The following TMEM108 variants were observed in gnomAD, a reference collection of about 807,000 sequenced individuals.
TMEM108 encodes the protein cancer/testis antigen 124.
In TMEM108, 12 loss-of-function variants were observed where a neutral mutation model predicts 35.1. The observed-to-expected ratio is 0.34, with a 90% CI of 0.22 to 0.55. TMEM108 has a LOEUF of 0.55. TMEM108 is among the 20% of genes least tolerant of loss of function. The pLI is 0.89. For synonymous variants in TMEM108, 287 were observed against 308.6 expected, an observed-to-expected ratio of 0.93 and a Z score of 0.73; for missense variants, 680 against 753.3, an observed-to-expected ratio of 0.90 and a Z score of 1.14.
intron 3 of TMEM108, among the ~76,000 whole-genome samples, chr3:133,305,376 AG>A (rs2071016432): frequency 1.7e-5 from 1 of 58,794 alleles, no homozygotes; most frequent in Non-Finnish European, 3.1e-5. Flanking sequence ...GGGTGGGGGG[AG>A]GGGGGAGGGA....
chr3:133,291,493 G>C (rs567827889), intron 3 of TMEM108, among the ~76,000 whole-genome samples: 1 of 152,154 alleles, frequency 6.6e-6, no homozygotes, highest in African/African-American at 2.4e-5. Flanking sequence ...GTCCAGGCTG[G>C]TCTCAAACTC....
At chr3:133,296,658 T>C (rs962507301) in intron 3 of TMEM108, among the ~76,000 whole-genome samples, 1 of 152,094 alleles carries the variant, frequency 6.6e-6, no homozygotes, top group Admixed American at 6.6e-5. Flanking sequence ...GGAACATCCC[T>C]AATCCAAAGC....
At chr3:133,216,598 C>A in intron 2 of TMEM108, among the ~76,000 whole-genome samples, 1 of 152,126 alleles carries the variant, frequency 6.6e-6, no homozygotes. Flanking sequence ...CTCCCCAACT[C>A]CCTCTCCCCA....
At chr3:133,245,293 T>C (rs1576408014) in intron 3 of TMEM108, among the ~76,000 whole-genome samples, 1 of 152,302 alleles carries the variant, frequency 6.6e-6, no homozygotes, top group South Asian at 2.1e-4. Flanking sequence ...TGCTAGGATG[T>C]CCTCTCCTAC....
chr3:133,104,865 T>C (rs11711161), intron 2 of TMEM108, among the ~76,000 whole-genome samples: 20,476 of 152,168 alleles, frequency 0.13, 1,433 homozygotes, highest in Admixed American at 0.16. Flanking sequence ...GCTGAGCTTT[T>C]CTCAGAGCTG....
chr3:133,386,386 G>T, intron 4 of TMEM108: 1 of 1,535,980 alleles, frequency 6.5e-7, no homozygotes, highest in Non-Finnish European at 8.7e-7. Flanking sequence ...AATCCTCAGG[G>T]GACCTGCAGG....
intron 3 of TMEM108, among the ~76,000 whole-genome samples, chr3:133,364,301 T>C (rs1235699283): frequency 6.6e-6 from 1 of 152,230 alleles, no homozygotes; most frequent in African/African-American, 2.4e-5. Flanking sequence ...TTTCTTTGTG[T>C]GTCCCATAGC....
intron 2 of TMEM108, among the ~76,000 whole-genome samples, chr3:133,176,871 C>T (rs968083044): frequency 6.6e-6 from 1 of 151,948 alleles, no homozygotes; most frequent in African/African-American, 2.4e-5. Flanking sequence ...ATCAATGAAT[C>T]CAGGAGCTGA....
At chr3:133,059,224 A>G (rs1421229757) in intron 2 of TMEM108, among the ~76,000 whole-genome samples, 1 of 152,210 alleles carries the variant, frequency 6.6e-6, no homozygotes, top group Admixed American at 6.5e-5. Flanking sequence ...TAGGTTTTCA[A>G]CATATGAATT....
intron 3 of TMEM108, among the ~76,000 whole-genome samples, chr3:133,341,409 G>A (rs1271395987): frequency 6.6e-6 from 1 of 151,700 alleles, no homozygotes; most frequent in African/African-American, 2.4e-5. Flanking sequence ...CCAAAAAATG[G>A]AAAGATATAC....
chr3:133,313,570 G>C, intron 3 of TMEM108, among the ~76,000 whole-genome samples: 1 of 152,156 alleles, frequency 6.6e-6, no homozygotes, highest in Non-Finnish European at 1.5e-5. Context: ...GTTTCCTCCT[G>C]ATTCCATTCA....
chr3:133,253,574 T>A (rs1946502252), intron 3 of TMEM108: 1 of 152,232 alleles, frequency 6.6e-6, no homozygotes, highest in African/African-American at 2.4e-5. Context: ...ATGTGGTCTC[T>A]TCAAGTTAGT....
intron 3 of TMEM108, among the ~76,000 whole-genome samples, chr3:133,269,335 A>T (rs1040983176): frequency 1.3e-5 from 2 of 152,346 alleles, no homozygotes; most frequent in African/African-American, 4.8e-5. Flanking sequence ...AATACAATTG[A>T]TGGAGGAGGG....
In TMEM108 at chr3:133,324,530, A is replaced by G. The variant is rs150408996; in HGVS notation, c.41-55222A>G. Among the ~76,000 whole-genome samples, 242 of 152,338 alleles carry G rather than the reference A, an allele frequency of 1.6e-3. 2 individuals are homozygous for G. The Middle Eastern group carries it at 0.037, about 24-fold the overall frequency. ...AAAAATCAATAAATAACATGTTGGC[A>G]TGGATGTGGTGAAAAGGGAACACTT... On this transcript the variant is annotated intron_variant, in intron 3 of 5. Transcript: ENST00000321871.
intron 2 of TMEM108, among the ~76,000 whole-genome samples, chr3:133,226,510 C>A (rs1946073194): frequency 6.6e-6 from 1 of 152,138 alleles, no homozygotes. Context: ...TACAAACAAT[C>A]TGTTCTGTGA....
At chr3:133,136,367 T>C (rs1289020465) in intron 2 of TMEM108, among the ~76,000 whole-genome samples, 2 of 152,176 alleles carry the variant, frequency 1.3e-5, no homozygotes, top group African/African-American at 2.4e-5. Context: ...GGGAAAAACA[T>C]ACTTCATTTA....
chr3:133,142,415 T>C (rs987087784), intron 2 of TMEM108, among the ~76,000 whole-genome samples: 3 of 152,032 alleles, frequency 2.0e-5, no homozygotes, highest in Non-Finnish European at 4.4e-5. Flanking sequence ...TTAGGGGAGA[T>C]GAGGAGAGCA....
intron 3 of TMEM108, among the ~76,000 whole-genome samples, chr3:133,252,184 T>G (rs1946481228): frequency 6.6e-6 from 1 of 152,096 alleles, no homozygotes; most frequent in Non-Finnish European, 1.5e-5. Flanking sequence ...TTGAAAAGAC[T>G]GAAAGAGAAA....
chr3:133,384,602 G>C (rs2073099751), intron 4 of TMEM108, among the ~76,000 whole-genome samples: 1 of 152,180 alleles, frequency 6.6e-6, no homozygotes, highest in Admixed American at 6.5e-5. Context: ...GCCATAATGG[G>C]CTAGGGCAGA....
Sources: gnomAD v4.1 joint callset for allele counts (sites outside exome capture counted in the v4.1 genomes callset) on GRCh38, gnomAD v4.1.1 for gene constraint, MANE v1.5 for transcripts, NCBI Gene and HGNC (gene_info 2026-07-23, HGNC 2026-07-21) for gene names.